GALNT13: variants seen among roughly 807,000 people sequenced by gnomAD.
GALNT13 encodes the protein polypeptide N-acetylgalactosaminyltransferase 13.
GALNT13 carries 28 observed loss-of-function variants against 64.2 expected under a neutral mutation model. The observed-to-expected ratio is 0.44, with a 90% CI of 0.32 to 0.60. The LOEUF is 0.60. Among genes scored for constraint, GALNT13 ranks in the 20% least tolerant of loss-of-function variants. The probability of loss-of-function intolerance (pLI) is 0.05; values close to 1 mark genes in which losing one functional copy is unlikely to be tolerated. For synonymous variants in GALNT13, 214 were observed against 224.6 expected, an observed-to-expected ratio of 0.95 and a Z score of 0.42; for missense variants, 577 against 669.8, an observed-to-expected ratio of 0.86 and a Z score of 1.53.
intron 4 of GALNT13, among the ~76,000 whole-genome samples, chr2:154,151,603 A>T (rs1432799016): frequency 2.6e-5 from 4 of 151,988 alleles, no homozygotes; most frequent in Non-Finnish European, 5.9e-5. Flanking sequence ...GCTTTATGAA[A>T]CTGGGTGCTC....
chr2:153,731,809 G>A, the GALNT13 span, among the ~76,000 whole-genome samples: 2 of 151,800 alleles, frequency 1.3e-5, no homozygotes, highest in African/African-American at 4.8e-5. Context: ...TATTGAGAAA[G>A]ACGCTCTCTA....
At chr2:153,628,040 AGTT>A in the GALNT13 span, among the ~76,000 whole-genome samples, 2 of 152,094 alleles carry the variant, frequency 1.3e-5, no homozygotes, top group African/African-American at 2.4e-5. Context: ...AGTGGTTTGT[AGTT>A]CTCCTTGAAG....
At chr2:153,308,380 C>A in the GALNT13 span, among the ~76,000 whole-genome samples, 1 of 152,092 alleles carries the variant, frequency 6.6e-6, no homozygotes, top group African/African-American at 2.4e-5. Context: ...TTGTGTGATT[C>A]TTCTATCTCT....
At chr2:154,211,076 G>A (rs1459685040) in intron 4 of GALNT13, among the ~76,000 whole-genome samples, 1 of 152,110 alleles carries the variant, frequency 6.6e-6, no homozygotes. Context: ...GTAGAAACTA[G>A]GGCTTTATAT....
At chr2:153,497,119 G>T in the GALNT13 span, among the ~76,000 whole-genome samples, 1 of 151,900 alleles carries the variant, frequency 6.6e-6, no homozygotes, top group African/African-American at 2.4e-5. Flanking sequence ...GAGAAATTCT[G>T]CAATTAAAAC....
At chr2:153,886,192 A>G (rs1470871695) in intron 1 of GALNT13, among the ~76,000 whole-genome samples, 3 of 151,096 alleles carry the variant, frequency 2.0e-5, no homozygotes, top group East Asian at 3.9e-4. Context: ...AAAAAAAAAC[A>G]AATTAACAAT....
chr2:153,747,331 T>G, the GALNT13 span, among the ~76,000 whole-genome samples: 1 of 151,794 alleles, frequency 6.6e-6, no homozygotes, highest in Non-Finnish European at 1.5e-5. Flanking sequence ...ACCCATTAAC[T>G]TTCCCCACAT....
chr2:154,454,374 G>A (rs1701983572), downstream of GALNT13, among the ~76,000 whole-genome samples: 1 of 152,016 alleles, frequency 6.6e-6, no homozygotes. Flanking sequence ...CATTAAACAT[G>A]TTATGGGGCC....
At chr2:154,078,044 C>A (rs1235891765) in intron 3 of GALNT13, among the ~76,000 whole-genome samples, 1 of 151,426 alleles carries the variant, frequency 6.6e-6, no homozygotes, top group Non-Finnish European at 1.5e-5. Context: ...GTTTGCCTTT[C>A]AAAACTATGG....
At chr2:153,153,830 C>G in the GALNT13 span, among the ~76,000 whole-genome samples, 2 of 151,866 alleles carry the variant, frequency 1.3e-5, no homozygotes, top group African/African-American at 2.4e-5. Context: ...AATTGGGTAG[C>G]ATGATGCCTC....
the GALNT13 span, among the ~76,000 whole-genome samples, chr2:153,835,419 T>C: frequency 6.6e-6 from 1 of 152,130 alleles, no homozygotes; most frequent in Non-Finnish European, 1.5e-5. Context: ...TCAAAGCATC[T>C]GATGCAATAT....
the GALNT13 span, among the ~76,000 whole-genome samples, chr2:153,406,684 A>G: frequency 6.6e-6 from 1 of 152,234 alleles, no homozygotes; most frequent in African/African-American, 2.4e-5. Context: ...CTGGGATTAC[A>G]GGAATGAGCC....
the GALNT13 span, among the ~76,000 whole-genome samples, chr2:153,626,616 A>G: frequency 7.2e-5 from 11 of 152,256 alleles, no homozygotes; most frequent in East Asian, 1.9e-3. Flanking sequence ...TGGACTTACA[A>G]TAAAAAACTT....
chr2:153,925,899 G>A (rs1008622907), intron 2 of GALNT13, among the ~76,000 whole-genome samples: 3 of 152,088 alleles, frequency 2.0e-5, no homozygotes, highest in Non-Finnish European at 4.4e-5. Context: ...TTTGCACATT[G>A]ATTTTGTATC....
chr2:153,479,193 G>T, the GALNT13 span, among the ~76,000 whole-genome samples: 2 of 152,170 alleles, frequency 1.3e-5, no homozygotes, highest in Non-Finnish European at 2.9e-5. Flanking sequence ...GCGATGAATC[G>T]CAGGTGCCAG....
chr2:153,825,441 CA>C, the GALNT13 span, among the ~76,000 whole-genome samples: 1 of 152,132 alleles, frequency 6.6e-6, no homozygotes, highest in Admixed American at 6.5e-5. Context: ...GAGGCTACGA[CA>C]AGCCACTATC....
chr2:154,221,036 C>G (rs2105821874), intron 4 of GALNT13, among the ~76,000 whole-genome samples: 1 of 152,140 alleles, frequency 6.6e-6, no homozygotes, highest in East Asian at 1.9e-4. Flanking sequence ...ATAAAGGAAT[C>G]ATTTTCTCTG....
At chr2:153,679,146 T>C in the GALNT13 span, among the ~76,000 whole-genome samples, 4 of 151,966 alleles carry the variant, frequency 2.6e-5, no homozygotes, top group Non-Finnish European at 4.4e-5. Context: ...TGCTTCCCAC[T>C]ACATATGTCT....
intron 9 of GALNT13, among the ~76,000 whole-genome samples, chr2:154,382,773 T>C (rs1347733388): frequency 7.0e-6 from 1 of 142,006 alleles, no homozygotes; most frequent in East Asian, 2.1e-4. Context: ...ACAAATAACA[T>C]GTTCTCTTAA....
Sources: gnomAD v4.1 joint callset for allele counts (sites outside exome capture counted in the v4.1 genomes callset) on GRCh38, gnomAD v4.1.1 for gene constraint, MANE v1.5 for transcripts, NCBI Gene and HGNC (gene_info 2026-07-23, HGNC 2026-07-21) for gene names.